RGS7: variants seen among roughly 807,000 people sequenced by gnomAD.
RGS7 encodes regulator of G-protein signaling 7.
A neutral mutation model predicts 81.1 loss-of-function variants in RGS7; 27 were observed. That is an observed-to-expected ratio of 0.33 (90% CI 0.25 to 0.46). The LOEUF is 0.46. RGS7 is among the 20% of genes least tolerant of loss of function. The pLI is 1.00. For missense variants in RGS7, 396 were observed against 607.4 expected (o/e 0.65, Z 3.66); for synonymous variants, 208 against 207.7 (o/e 1.00, Z -0.01).
intron 6 of RGS7, among the ~76,000 whole-genome samples, chr1:240,899,115 T>G (rs1042977912): frequency 7.2e-5 from 11 of 152,176 alleles, no homozygotes; most frequent in Non-Finnish European, 1.3e-4. Context: ...TCCTTGCTTT[T>G]TTTTGTTTTC....
At chr1:241,277,163 A>G (rs1315753281) in intron 2 of RGS7, among the ~76,000 whole-genome samples, 1 of 152,156 alleles carries the variant, frequency 6.6e-6, no homozygotes, top group Non-Finnish European at 1.5e-5. Context: ...AATTTCTTCT[A>G]TTTCTGCTCT....
chr1:240,917,871 G>A (rs559276768), intron 6 of RGS7, among the ~76,000 whole-genome samples: 78 of 152,086 alleles, frequency 5.1e-4, no homozygotes, highest in Admixed American at 1.7e-3. Flanking sequence ...GAAGAAACTT[G>A]CTTTAAATAC....
chr1:240,817,805 G>A (rs928955777), intron 10 of RGS7, among the ~76,000 whole-genome samples: 1 of 152,200 alleles, frequency 6.6e-6, no homozygotes, highest in Non-Finnish European at 1.5e-5. Context: ...GTTTCACCAT[G>A]TTGGCCAGGC....
At chr1:240,990,799 G>A (rs540590303) in intron 3 of RGS7, among the ~76,000 whole-genome samples, 1 of 152,300 alleles carries the variant, frequency 6.6e-6, no homozygotes, top group Admixed American at 6.5e-5. Flanking sequence ...AAACAGATAT[G>A]TTTCCTTTCA....
At chr1:241,315,235 A>T (rs2080804619) in intron 2 of RGS7, among the ~76,000 whole-genome samples, 1 of 150,966 alleles carries the variant, frequency 6.6e-6, no homozygotes, top group African/African-American at 2.4e-5. Context: ...CCTAAGAATG[A>T]AAAGGGAAGC....
intron 2 of RGS7, among the ~76,000 whole-genome samples, chr1:241,159,117 C>G (rs1241997848): frequency 1.3e-5 from 2 of 152,168 alleles, no homozygotes; most frequent in Non-Finnish European, 2.9e-5. Context: ...TGTTTTTTAT[C>G]TTTTACATTG....
intron 2 of RGS7, 150 bp downstream of exon 2, chr1:241,355,549 C>A: frequency 1.3e-6 from 1 of 745,196 alleles, no homozygotes; most frequent in South Asian, 1.4e-5. Context: ...TTGAGAATGT[C>A]AGATCACTTT....
At chr1:241,194,892 AGG>A (rs1160524164) in intron 2 of RGS7, among the ~76,000 whole-genome samples, 3 of 152,354 alleles carry the variant, frequency 2.0e-5, no homozygotes, top group South Asian at 2.1e-4. Context: ...AGTGCCTTCC[AGG>A]AATGAAAAAT....
At chr1:240,839,169 C>T (rs1461256032) in intron 9 of RGS7, among the ~76,000 whole-genome samples, 1 of 152,172 alleles carries the variant, frequency 6.6e-6, no homozygotes, top group East Asian at 1.9e-4. Flanking sequence ...AGTTCCTCTG[C>T]CTTATCCCAG....
chr1:240,827,516 T>C (rs1693050479), intron 9 of RGS7, among the ~76,000 whole-genome samples: 1 of 152,166 alleles, frequency 6.6e-6, no homozygotes, highest in African/African-American at 2.4e-5. Flanking sequence ...GACAAAGAGA[T>C]ACCCCTTGCT....
intron 4 of RGS7, 57 bp downstream of exon 4, chr1:240,983,022 A>T (rs7520707): frequency 1.0e-6 from 1 of 975,852 alleles, no homozygotes; most frequent in Non-Finnish European, 1.6e-6. Flanking sequence ...CTGATGAAAC[A>T]TATTTCTTAA....
intron 6 of RGS7, among the ~76,000 whole-genome samples, chr1:240,875,055 A>G (rs1027350655): frequency 6.6e-5 from 10 of 152,106 alleles, no homozygotes; most frequent in South Asian, 2.1e-4. Context: ...AACAAAAAAC[A>G]AAAAACAAAA....
chr1:241,189,886 C>A lies in RGS7; in HGVS notation c.79-91124G>T, dbSNP rs150485181. 2.0e-5 allele frequency among the ~76,000 whole-genome samples: 3 copies of A among 152,162 alleles called. No homozygotes were observed. The East Asian group carries it at 5.8e-4, about 29-fold the overall frequency. On this transcript the variant is annotated intron_variant, in intron 2 of 18. Transcript: ENST00000440928. ...ATCCCAGCACTTTGGGAGGCCAAGG[C>A]GGGCGGATCACAAGGTCAGGAGATC...
intron 4 of RGS7, among the ~76,000 whole-genome samples, chr1:240,974,154 G>C (rs1375992842): frequency 6.6e-6 from 1 of 152,144 alleles, no homozygotes; most frequent in Non-Finnish European, 1.5e-5. Context: ...TGGTGTGTAA[G>C]CAAAACATCT....
chr1:240,920,310 A>C, intron 6 of RGS7: 1 of 1,424,738 alleles, frequency 7.0e-7, no homozygotes, highest in Non-Finnish European at 9.8e-7. Context: ...TCGTGGAGGA[A>C]ACTTCAGTGG....
rs185927881 is a variant in RGS7, at chr1:240,897,329, A to G, written c.386-27210T>C. On this transcript the variant is annotated intron_variant, in intron 6 of 18. Transcript: ENST00000440928. ...ACTTCCAACACTATGTTGAATAGGA[A>G]TGGTGAGAGAGGGCATCCCTGTCTT... is the stretch of plus-strand genomic sequence containing the variant. Among the ~76,000 whole-genome samples, 28 of 152,262 alleles carry G rather than the reference A, an allele frequency of 1.8e-4. No individual in the cohort carries two copies. In the East Asian group the frequency reaches 5.2e-3, roughly 28 times the overall value.
intron 2 of RGS7, among the ~76,000 whole-genome samples, chr1:241,353,542 G>A (rs2083376574): frequency 6.6e-6 from 1 of 152,142 alleles, no homozygotes; most frequent in Admixed American, 6.6e-5. Context: ...AGAATAGACA[G>A]ACAATCCATA....
Position 241,057,872 on chromosome 1 carries a change from A to G in RGS7, c.175+40794T>C, listed in dbSNP as rs73125552. On this transcript the variant is annotated intron_variant, in intron 3 of 18. Coordinates refer to ENST00000440928, the MANE Select transcript of RGS7 (RefSeq NM_001364886.1). Reference sequence around the variant, plus strand: ...GCGAGACTCTATCTCAAAAATAGTAATAATAATTTAAAAAAGAGTTAAATT... The same window carrying G: ...GCGAGACTCTATCTCAAAAATAGTAGTAATAATTTAAAAAAGAGTTAAATT... 7.7e-3 allele frequency among the ~76,000 whole-genome samples: 1,168 copies of G among 152,300 alleles called. 12 individuals are homozygous for G. Among genetic ancestry groups the G allele is most frequent in the African/African-American group, 0.026 (1,094 of 41,548 alleles).
At chr1:241,186,823 G>A (rs1033852083) in intron 2 of RGS7, among the ~76,000 whole-genome samples, 1 of 152,032 alleles carries the variant, frequency 6.6e-6, no homozygotes, top group Non-Finnish European at 1.5e-5. Context: ...CACCGCGCCC[G>A]GCCATCTAAC....
Sources: gnomAD v4.1 joint callset for allele counts (sites outside exome capture counted in the v4.1 genomes callset) on GRCh38, gnomAD v4.1.1 for gene constraint, MANE v1.5 for transcripts, NCBI Gene and HGNC (gene_info 2026-07-23, HGNC 2026-07-21) for gene names.